PTPRG: variants seen among roughly 807,000 people sequenced by gnomAD.
The protein encoded by PTPRG is receptor-type tyrosine-protein phosphatase gamma.
A neutral mutation model predicts 165.3 loss-of-function variants in PTPRG; 102 were observed. That is an observed-to-expected ratio of 0.62 (90% CI 0.53 to 0.73). The LOEUF is 0.73. PTPRG is among the 30% of genes least tolerant of loss of function. PTPRG has a pLI of 0.00. For synonymous variants in PTPRG, 675 were observed against 669.5 expected (o/e 1.01, Z -0.13); for missense variants, 1,866 against 1,861.4 (o/e 1.00, Z -0.05).
At chr3:62,064,507 C>G (rs920613810) in intron 4 of PTPRG, among the ~76,000 whole-genome samples, 2 of 152,054 alleles carry the variant, frequency 1.3e-5, no homozygotes, top group African/African-American at 4.8e-5. Flanking sequence ...CCTTCCCCTC[C>G]GTAGGTTCTA....
At chr3:62,021,304 T>C (rs558435933) in intron 4 of PTPRG, among the ~76,000 whole-genome samples, 59 of 152,342 alleles carry the variant, frequency 3.9e-4, no homozygotes, top group Non-Finnish European at 2.9e-4. Flanking sequence ...TTAGATCATA[T>C]ATCTGGGATA....
At chr3:61,604,690 G>A (rs1700953083) in intron 1 of PTPRG, among the ~76,000 whole-genome samples, 1 of 152,122 alleles carries the variant, frequency 6.6e-6, no homozygotes, top group African/African-American at 2.4e-5. Flanking sequence ...ACGCAGGTCT[G>A]TGACCTTTTG....
chr3:61,919,236 GTGC>G (rs1364943786), intron 2 of PTPRG, among the ~76,000 whole-genome samples: 1 of 152,164 alleles, frequency 6.6e-6, no homozygotes, highest in African/African-American at 2.4e-5. Context: ...TTCATTTTCG[GTGC>G]TGCGTTGAGG....
At chr3:61,569,394 G>A (rs887145815) in intron 1 of PTPRG, among the ~76,000 whole-genome samples, 2 of 152,224 alleles carry the variant, frequency 1.3e-5, no homozygotes, top group Non-Finnish European at 2.9e-5. Flanking sequence ...AAGTCTTTGT[G>A]AGGCTTGAAT....
chr3:62,218,738 C>A, intron 12 of PTPRG, 113 bp from the exon 13 acceptor site: 1 of 1,381,832 alleles, frequency 7.2e-7, no homozygotes, highest in Non-Finnish European at 9.9e-7. Flanking sequence ...CAGCTCAGAG[C>A]AAATGGCCCA....
At chr3:61,727,072 A>G (rs1575613268) in intron 1 of PTPRG, among the ~76,000 whole-genome samples, 1 of 151,552 alleles carries the variant, frequency 6.6e-6, no homozygotes, top group South Asian at 2.1e-4. Flanking sequence ...AGATTGAGCT[A>G]TTGAATTTAA....
At chr3:61,595,437 C>G (rs1575526128) in intron 1 of PTPRG, among the ~76,000 whole-genome samples, 1 of 152,274 alleles carries the variant, frequency 6.6e-6, no homozygotes, top group Non-Finnish European at 1.5e-5. Flanking sequence ...TGTATATTCT[C>G]CAAGATGGGT....
intron 1 of PTPRG, among the ~76,000 whole-genome samples, chr3:61,608,305 T>G (rs1240430362): frequency 1.3e-5 from 2 of 152,206 alleles, no homozygotes; most frequent in Non-Finnish European, 2.9e-5. Flanking sequence ...AGCAGTTGGG[T>G]AGAAGCCAGA....
At chr3:61,865,285 G>A (rs565175282) in intron 2 of PTPRG, among the ~76,000 whole-genome samples, 4 of 152,304 alleles carry the variant, frequency 2.6e-5, no homozygotes, top group African/African-American at 9.6e-5. Flanking sequence ...GACAACAACA[G>A]CAGTAATAAT....
intron 15 of PTPRG, among the ~76,000 whole-genome samples, chr3:62,246,262 T>C (rs946109163): frequency 1.3e-5 from 2 of 152,184 alleles, no homozygotes; most frequent in African/African-American, 4.8e-5. Flanking sequence ...CAGTGTGATG[T>C]TAAAGGGCTT....
chr3:61,831,066 A>C (rs1313776099), intron 2 of PTPRG, among the ~76,000 whole-genome samples: 2 of 152,210 alleles, frequency 1.3e-5, no homozygotes, highest in Non-Finnish European at 2.9e-5. Flanking sequence ...TTTTTGAGGA[A>C]TATCGGGTCA....
intron 2 of PTPRG, among the ~76,000 whole-genome samples, chr3:61,947,092 C>T (rs1038836704): frequency 2.0e-5 from 3 of 152,198 alleles, no homozygotes; most frequent in South Asian, 2.1e-4. Context: ...CAAAGTGGAC[C>T]GACCAGGGTG....
intron 13 of PTPRG, among the ~76,000 whole-genome samples, chr3:62,230,527 C>T (rs1700877498): frequency 6.6e-6 from 1 of 152,166 alleles, no homozygotes; most frequent in Admixed American, 6.5e-5. Context: ...TAAATAAATA[C>T]TTTCAAGTGT....
chr3:62,182,238 C>G (rs1285791257), intron 8 of PTPRG, among the ~76,000 whole-genome samples: 3 of 152,070 alleles, frequency 2.0e-5, no homozygotes, highest in Non-Finnish European at 4.4e-5. Flanking sequence ...ATAAATTGAC[C>G]CATGCAGTTC....
chr3:61,663,488 G>A (rs553934650), intron 1 of PTPRG, among the ~76,000 whole-genome samples: 6 of 152,248 alleles, frequency 3.9e-5, no homozygotes, highest in African/African-American at 7.2e-5. Context: ...TGTATTCAAA[G>A]CAGTAGTCCC....
At position 62,254,753 on chromosome 3, in the gene PTPRG, CAAAG is replaced by C. The variant is rs1205379432; in HGVS notation, c.2468-367_2468-364del. Among the ~76,000 whole-genome samples, 1 of 151,686 alleles carries C rather than the reference CAAAG, an allele frequency of 6.6e-6. No individual in the cohort carries two copies. Among genetic ancestry groups the C allele is most frequent in the African/African-American group, 2.4e-5 (1 of 41,172 alleles). ...TAAAAAAAAACAACAACAACAACAACAAAGAAAACCCCTGGTGTGATAAAATTTC... is the reference window on the plus strand; with the variant it reads ...TAAAAAAAAACAACAACAACAACAACAAAACCCCTGGTGTGATAAAATTTC... On this transcript the variant is annotated intron_variant, in intron 15 of 29. Coordinates refer to ENST00000474889, the MANE Select transcript of PTPRG (RefSeq NM_002841.4). This position sits in a 1 kb window ranked among gnomAD's most constrained non-coding sequence, Gnocchi z 4.6.
chr3:61,762,480 G>T (rs1471536581), intron 2 of PTPRG, among the ~76,000 whole-genome samples: 1 of 151,092 alleles, frequency 6.6e-6, no homozygotes, highest in Admixed American at 6.6e-5. Flanking sequence ...GTGTAGTGGT[G>T]GGTGCCTGTA....
intron 2 of PTPRG, among the ~76,000 whole-genome samples, chr3:61,830,566 G>GTTTTTGTTT (rs2036253232): frequency 1.2e-5 from 1 of 86,498 alleles, no homozygotes; most frequent in Non-Finnish European, 2.3e-5. Flanking sequence ...TTTTGTTTTT[G>GTTTTTGTTT]TTTTTTTTTT....
chr3:62,113,223 G>A (rs1702732382), intron 5 of PTPRG, among the ~76,000 whole-genome samples: 1 of 152,112 alleles, frequency 6.6e-6, no homozygotes, highest in Non-Finnish European at 1.5e-5. Context: ...GTAGATTAAA[G>A]ATTAGCTGTG....
Sources: allele counts gnomAD v4.1 joint callset (sites outside exome capture counted in the v4.1 genomes callset), GRCh38; gene constraint gnomAD v4.1.1; non-coding constraint Gnocchi (gnomAD v3.1); transcripts MANE v1.5; gene names NCBI Gene and HGNC (gene_info 2026-07-23, HGNC 2026-07-21).